Variants in JHY observed in about 807,000 individuals in gnomAD.
The protein encoded by JHY is junctional cadherin complex regulator.
In JHY, 69 loss-of-function variants were observed where a neutral mutation model predicts 78.0. The ratio of observed to expected loss-of-function variants is 0.88; its 90% confidence interval spans 0.73 to 1.08. The LOEUF (loss-of-function observed/expected upper bound fraction) is 1.08, where lower values mean the gene tolerates loss of function less well. Among genes scored for constraint, JHY ranks in the 50% least tolerant of loss-of-function variants. The pLI, the probability that JHY is intolerant of heterozygous loss-of-function variation, is 0.00. For missense variants in JHY, 944 were observed against 927.8 expected (o/e 1.02, Z -0.23); for synonymous variants, 368 against 342.6 (o/e 1.07, Z -0.82).
At chr11:122,914,125 A>G (rs901741031) in intron 3 of JHY, among the ~76,000 whole-genome samples, 1 of 152,174 alleles carries the variant, frequency 6.6e-6, no homozygotes, top group Non-Finnish European at 1.5e-5. Context: ...ACTCAGAATT[A>G]TTGAGATGAT....
chr11:122,960,881 G>T lies in JHY; in HGVS notation c.*1436G>T. 1.5e-6 allele frequency: 1 copy of T among 683,948 alleles called. No homozygotes were observed. Among genetic ancestry groups the T allele is most frequent in the South Asian group, 1.4e-5 (1 of 73,082 alleles). The allele number at this position is 683,948 out of a possible 1,614,324, so 42.4% of individuals were successfully genotyped here. A position where few individuals can be genotyped will look rare whatever the true frequency, so the allele number is the denominator to read the frequency against. On this transcript the variant is annotated 3_prime_UTR_variant, in exon 9 of 9. Coordinates refer to ENST00000227349, the MANE Select transcript of JHY (RefSeq NM_024806.4). ...CTATGGCTGTGGAGGTTACTTACTG[G>T]GAATGACTGCATAGAGTGTATAAGG...
rs182955055 is a variant in JHY, at chr11:122,883,938, T to A, written c.-90+966T>A. Among the ~76,000 whole-genome samples the A allele has an allele frequency of 1.8e-4, 28 of 152,334 alleles. No individual in the cohort carries two copies. The East Asian group carries it at 4.4e-3, about 24-fold the overall frequency. On this transcript the variant is annotated intron_variant, in intron 1 of 8. Transcript: ENST00000227349. This position sits in a 1 kb window ranked among gnomAD's most constrained non-coding sequence, Gnocchi z 4.4. ...TAACGCTTAAGCTTGCTCTTCAGGA[T>A]CTCAAATTCAGTGACCTTAGCTCCT...
At position 122,935,969 on chromosome 11, in the gene JHY, T is replaced by C. The variant is rs1487744892; in HGVS notation, c.1634+894T>C. Among the ~76,000 whole-genome samples the C allele has an allele frequency of 2.0e-5, 3 of 152,214 alleles. No individual in the cohort carries two copies. The highest frequency in any genetic ancestry group is 7.2e-5 in the African/African-American group (3 of 41,460). On this transcript the variant is annotated intron_variant, in intron 5 of 8. Transcript: ENST00000227349. This position sits in a 1 kb window ranked among gnomAD's most constrained non-coding sequence, Gnocchi z 4.5. The stretch of plus-strand genomic sequence containing the variant: ...CATCTAAGGAGTATGAGTTCTACTG[T>C]GTTAAAATATGCACAGAAGAAAAAT...
chr11:122,930,725 G>A (rs944261327), intron 4 of JHY, among the ~76,000 whole-genome samples: 4 of 152,128 alleles, frequency 2.6e-5, no homozygotes, highest in African/African-American at 9.7e-5. Flanking sequence ...TCCAAATCCT[G>A]CTTAGGTTGT....
At chr11:122,915,818 AAAG>A (rs1197876738) in intron 3 of JHY, among the ~76,000 whole-genome samples, 20 of 152,090 alleles carry the variant, frequency 1.3e-4, no homozygotes, top group African/African-American at 4.3e-4. Context: ...CCAGCCCTAA[AAAG>A]AAGAAGTTAA....
chr11:122,919,352 CA>C (rs72233254), intron 3 of JHY, among the ~76,000 whole-genome samples: 18,294 of 70,046 alleles, frequency 0.26, 713 homozygotes, highest in East Asian at 0.35. Context: ...GACTCTGTCT[CA>C]AAAAAAAAAA....
chr11:122,929,028 T>A (rs1406854360), intron 4 of JHY, among the ~76,000 whole-genome samples: 3 of 151,848 alleles, frequency 2.0e-5, no homozygotes, highest in African/African-American at 7.3e-5. Flanking sequence ...TACCACAACC[T>A]CTGCCTACCA....
rs1565343322 is a variant in JHY, at chr11:122,960,690, A to G, written c.*1245A>G. Reference sequence around the variant, plus strand: ...TGTAATTTAAAAATATGGTGCCTCTATTGGAGAATCTGCTTATCAACTCAA... The same window carrying G: ...TGTAATTTAAAAATATGGTGCCTCTGTTGGAGAATCTGCTTATCAACTCAA... On this transcript the variant is annotated 3_prime_UTR_variant, in exon 9 of 9. Transcript: ENST00000227349. 1 of 399,676 alleles carries G rather than the reference A, an allele frequency of 2.5e-6. No homozygotes were observed. Among genetic ancestry groups the G allele is most frequent in the South Asian group, 2.4e-5 (1 of 42,124 alleles). 24.8% of individuals were successfully genotyped at this position (399,676 alleles called of 1,614,324 possible).
intron 3 of JHY, among the ~76,000 whole-genome samples, chr11:122,909,635 C>T (rs955610025): frequency 6.6e-6 from 1 of 151,952 alleles, no homozygotes; most frequent in Non-Finnish European, 1.5e-5. Flanking sequence ...AAAAATTAGC[C>T]GAGCATGGTG....
intron 2 of JHY, among the ~76,000 whole-genome samples, chr11:122,888,913 G>A (rs1001143125): frequency 7.2e-5 from 11 of 152,174 alleles, no homozygotes; most frequent in Non-Finnish European, 1.0e-4. Flanking sequence ...GTTGAATATT[G>A]ATGAATATTT....
chr11:122,950,458 A>G (rs923912772), intron 6 of JHY, among the ~76,000 whole-genome samples: 4 of 152,138 alleles, frequency 2.6e-5, no homozygotes, highest in Non-Finnish European at 5.9e-5. Context: ...TGAAAATGCA[A>G]GCTTTTGAGC....
At chr11:122,918,810 C>T (rs1341127037) in intron 3 of JHY, among the ~76,000 whole-genome samples, 1 of 149,896 alleles carries the variant, frequency 6.7e-6, no homozygotes, top group Non-Finnish European at 1.5e-5. Context: ...GAGTAGTACC[C>T]GTAGAGCTAT....
At chr11:122,910,453 G>C (rs1181377114) in intron 3 of JHY, among the ~76,000 whole-genome samples, 2 of 151,718 alleles carry the variant, frequency 1.3e-5, no homozygotes, top group East Asian at 3.9e-4. Context: ...CTGGGCGACA[G>C]AGTGAGATTC....
intron 2 of JHY, among the ~76,000 whole-genome samples, chr11:122,900,877 G>A (rs147478033): frequency 5.7e-4 from 87 of 152,302 alleles, no homozygotes; most frequent in African/African-American, 2.0e-3. Context: ...ATGAATCTAC[G>A]TAGGTATGCA....
In JHY at chr11:122,963,491, A is replaced by G. The variant is rs73015524; in HGVS notation, c.*4046A>G. Among the ~76,000 whole-genome samples, 1,017 of 152,304 alleles carry G rather than the reference A, an allele frequency of 6.7e-3. 11 individuals are homozygous for G. The highest frequency in any genetic ancestry group is 0.024 in the Middle Eastern group (7 of 294). On this transcript the variant is annotated 3_prime_UTR_variant, in exon 9 of 9. Transcript: ENST00000227349. ...TCAAAGTGGCCCTTCATTTGGCTCC[A>G]CGTCATCTCACAATAGTGAAATACA...
chr11:122,929,227 A>G (rs1454364944), intron 4 of JHY, among the ~76,000 whole-genome samples: 2 of 146,172 alleles, frequency 1.4e-5, no homozygotes, highest in Admixed American at 1.4e-4. Flanking sequence ...ACGCCTGGCC[A>G]AGGTTGTTTT....
chr11:122,946,450 G>A (rs11218900), intron 5 of JHY, 48 bp from the exon 6 acceptor site: 34,536 of 1,518,108 alleles, frequency 0.023, 735 homozygotes, highest in East Asian at 0.095. Flanking sequence ...GATGTCTTAT[G>A]TATTTGGATT....
At chr11:122,927,753 G>A (rs550709308) in intron 4 of JHY, among the ~76,000 whole-genome samples, 112 of 147,744 alleles carry the variant, frequency 7.6e-4, no homozygotes, top group African/African-American at 2.6e-3. Context: ...TTTTTGAGAC[G>A]GAGTTTTGTT....
intron 1 of JHY, among the ~76,000 whole-genome samples, chr11:122,885,281 A>G (rs1862471728): frequency 6.6e-6 from 1 of 152,076 alleles, no homozygotes; most frequent in South Asian, 2.1e-4. Context: ...TACAGTTCCA[A>G]CTATGGAAAA....
Sources: gnomAD v4.1 joint callset for allele counts (sites outside exome capture counted in the v4.1 genomes callset) on GRCh38, gnomAD v4.1.1 for gene constraint, Gnocchi (gnomAD v3.1) non-coding constraint, MANE v1.5 for transcripts, NCBI Gene and HGNC (gene_info 2026-07-23, HGNC 2026-07-21) for gene names.